The following SIGLEC15 variants were observed in gnomAD, a reference collection of about 807,000 sequenced individuals.
SIGLEC15 encodes the protein sialic acid binding Ig like lectin 15.
A neutral mutation model predicts 26.2 loss-of-function variants in SIGLEC15; 31 were observed. The ratio of observed to expected loss-of-function variants is 1.18; its 90% CI spans 0.89 to 1.60. SIGLEC15 has a LOEUF of 1.60. SIGLEC15 is among the 40% of genes most tolerant of loss of function. The pLI is 0.00. For missense variants in SIGLEC15, 501 were observed against 488.4 expected, an observed-to-expected ratio of 1.03 and a Z score of -0.24; for synonymous variants, 207 against 221.9, an observed-to-expected ratio of 0.93 and a Z score of 0.60.
intron 1 of SIGLEC15, chr18:45,829,254 C>T: frequency 1.4e-6 from 1 of 696,110 alleles, no homozygotes. Context: ...AGCCAGATAA[C>T]CCTGAAGCAG....
rs61267857 is a variant in SIGLEC15 at position 45,842,442 on chromosome 18, TGA to T, written c.*273_*274del. The T allele has an allele frequency of 0.041, 13,091 of 318,152 alleles. 1 individual carries two copies. Among genetic ancestry groups the T allele is most frequent in the Middle Eastern group, 0.056 (60 of 1,066 alleles). The allele number at this position is 318,152 out of a possible 1,614,324, so 19.7% of individuals were successfully genotyped here. On this transcript the variant is annotated 3_prime_UTR_variant, in exon 6 of 6. Coordinates refer to ENST00000389474, the MANE Select transcript of SIGLEC15 (RefSeq NM_213602.3). ...ATACGTCTGTGTGTGTGTGTGTGTG[TGA>T]GAGAGAGAGAGAGAGAGTACACGCA...
intron 5 of SIGLEC15, 121 bp downstream of exon 5, chr18:45,840,362 C>A (rs1048313955): frequency 8.6e-7 from 1 of 1,168,440 alleles, no homozygotes; most frequent in Non-Finnish European, 1.2e-6. Flanking sequence ...CTACTTTGAC[C>A]AGGGGCTGGG....
chr18:45,838,740 C>A lies in SIGLEC15; in HGVS notation c.519C>A (p.Ile173=). The change falls in exon 4 of 6, where the codon ATC becomes ATA. Residue 173 remains isoleucine (I), a synonymous_variant. Coordinates refer to ENST00000389474, the MANE Select transcript of SIGLEC15 (RefSeq NM_213602.3). The part of the protein sequence containing the change: ...HVTAAPRIVN[I]SVLPSPAHAF... ...CAGCCGCGCCGCGGATCGTCAACAT[C>A]TCGGTGCTGCCCAGTCCGGCTCACG... 6.3e-7 allele frequency: 1 copy of A among 1,580,556 alleles called. No homozygotes were observed. Among genetic ancestry groups the A allele is most frequent in the Non-Finnish European group, 8.5e-7 (1 of 1,172,364 alleles).
At chr18:45,833,028 C>A (rs940876780) in intron 1 of SIGLEC15, among the ~76,000 whole-genome samples, 2 of 152,136 alleles carry the variant, frequency 1.3e-5, no homozygotes, top group Non-Finnish European at 2.9e-5. Context: ...CCTCTGTGTT[C>A]CCATTCTGCT....
At chr18:45,830,067 A>G (rs991182481) in intron 1 of SIGLEC15, among the ~76,000 whole-genome samples, 1 of 152,096 alleles carries the variant, frequency 6.6e-6, no homozygotes, top group Non-Finnish European at 1.5e-5. Context: ...GTGCTCCGCC[A>G]TGAAACCGAC....
chr18:45,830,583 C>CTTTTTTTTTTTTTTTTTTT (rs56404391), intron 1 of SIGLEC15, among the ~76,000 whole-genome samples: 1 of 96,702 alleles, frequency 1.0e-5, no homozygotes, highest in Non-Finnish European at 1.9e-5. Context: ...ATTTTTCTTT[C>CTTTTTTTTTTTTTTTTTTT]TTTTTTTTTT....
intron 1 of SIGLEC15, 48 bp from the exon 2 acceptor site, chr18:45,836,981 C>T (rs748774191): frequency 1.0e-6 from 1 of 980,124 alleles, no homozygotes; most frequent in South Asian, 1.3e-5. Flanking sequence ...CTTCTCTGAG[C>T]CTCAGTTTAT....
chr18:45,843,080 C>T lies in SIGLEC15; in HGVS notation c.*893C>T, dbSNP rs370912782. On this transcript the variant is annotated 3_prime_UTR_variant, in exon 6 of 6. Coordinates refer to ENST00000389474, the MANE Select transcript of SIGLEC15 (RefSeq NM_213602.3). Reference sequence around the variant, plus strand: ...CCCCTAGGAAATGGAAACCAGGCTCCCCTCTCTCAAGGTATCTGGGAACCA... The same window carrying T: ...CCCCTAGGAAATGGAAACCAGGCTCTCCTCTCTCAAGGTATCTGGGAACCA... 6.6e-6 allele frequency: 1 copy of T among 152,366 alleles called. No homozygotes were observed. The highest frequency in any genetic ancestry group is 2.4e-5 in the African/African-American group (1 of 41,560). The allele number at this position is 152,366 out of a possible 1,614,324, so 9.4% of individuals were successfully genotyped here.
Position 45,838,727 on chromosome 18 carries a change from G to T in SIGLEC15, c.506G>T (p.Arg169Leu). 1 of 1,577,078 alleles carries T rather than the reference G, an allele frequency of 6.3e-7. No individual in the cohort carries two copies. Among genetic ancestry groups the T allele is most frequent in the Non-Finnish European group, 8.5e-7 (1 of 1,170,730 alleles). The part of the protein sequence containing the change: ...GVRLHVTAAP[R>L]IVNISVLPSP... ...GCCTTCTCCCCTGCAGCCGCGCCGC[G>T]GATCGTCAACATCTCGGTGCTGCCC... Residue 169 changes from arginine to leucine, a missense_variant, in exon 4 of 6, where the codon CGG (arginine) becomes CTG (leucine). Transcript: ENST00000389474.
chr18:45,835,656 T>C (rs1202950185), intron 1 of SIGLEC15, among the ~76,000 whole-genome samples: 1 of 152,236 alleles, frequency 6.6e-6, no homozygotes, highest in African/African-American at 2.4e-5. Flanking sequence ...GTCCAATTGT[T>C]TGTGGCACCA....
At chr18:45,829,623 G>A (rs1054166751) in intron 1 of SIGLEC15, among the ~76,000 whole-genome samples, 2 of 152,006 alleles carry the variant, frequency 1.3e-5, no homozygotes, top group Admixed American at 1.3e-4. Flanking sequence ...TGCCACCCCC[G>A]GAGCCACACT....
intron 1 of SIGLEC15, among the ~76,000 whole-genome samples, chr18:45,832,557 G>A (rs979296822): frequency 6.6e-6 from 1 of 152,236 alleles, no homozygotes; most frequent in East Asian, 1.9e-4. Flanking sequence ...CCTAGGTCCA[G>A]CTGTGCCAAA....
chr18:45,835,719 CA>C (rs1032492994), intron 1 of SIGLEC15, among the ~76,000 whole-genome samples: 1 of 152,184 alleles, frequency 6.6e-6, no homozygotes, highest in Non-Finnish European at 1.5e-5. Flanking sequence ...GCAAGCTGGG[CA>C]TGAAACACAG....
In SIGLEC15 at chr18:45,829,473, G is replaced by A. The variant is rs562302242; in HGVS notation, c.52+3693G>A. Among the ~76,000 whole-genome samples, 6 of 152,290 alleles carry A rather than the reference G, an allele frequency of 3.9e-5. No homozygotes were observed. In the South Asian group the frequency reaches 1.2e-3, roughly 32 times the overall value. On this transcript the variant is annotated intron_variant, in intron 1 of 5. Coordinates refer to ENST00000389474, the MANE Select transcript of SIGLEC15 (RefSeq NM_213602.3). Reference sequence around the variant, plus strand: ...AAGATTTGCAGGGAGCAAACCAAGGGGCAGGAGGGGAAGGGCTGAGCTGCA... The same window carrying A: ...AAGATTTGCAGGGAGCAAACCAAGGAGCAGGAGGGGAAGGGCTGAGCTGCA...
At chr18:45,829,707 A>G (rs1422667202) in intron 1 of SIGLEC15, among the ~76,000 whole-genome samples, 1 of 152,016 alleles carries the variant, frequency 6.6e-6, no homozygotes, top group Non-Finnish European at 1.5e-5. Flanking sequence ...GGCTCCTCAT[A>G]CTGGCCACTC....
Position 45,837,765 on chromosome 18 carries a change from G to T in SIGLEC15, c.365G>T (p.Arg122Leu). The T allele has an allele frequency of 6.6e-7, 1 of 1,521,816 alleles. No individual in the cohort carries two copies. Among genetic ancestry groups the T allele is most frequent in the Non-Finnish European group, 8.7e-7 (1 of 1,143,380 alleles). 94.3% of individuals were successfully genotyped at this position (1,521,816 alleles called of 1,614,324 possible). The change falls in exon 3 of 6, where the codon CGC becomes CTC. Residue 122 changes from arginine to leucine, a missense_variant. Arg to Leu is a moderately radical substitution (Grantham distance 102, BLOSUM62 -2). Coordinates refer to ENST00000389474, the MANE Select transcript of SIGLEC15 (RefSeq NM_213602.3). ...TTCCGGCTGCTGGGCAACCCGCGCC[G>T]CAACGACCTCTCGCTGCGCGTCGAG... The part of the protein sequence containing the change: ...GRFRLLGNPR[R>L]NDLSLRVERL...
At chr18:45,832,254 G>A (rs143730936) in intron 1 of SIGLEC15, among the ~76,000 whole-genome samples, 6 of 152,302 alleles carry the variant, frequency 3.9e-5, no homozygotes, top group Admixed American at 6.5e-5. Flanking sequence ...CCTGAGACCC[G>A]GGATATTATA....
chr18:45,826,447 C>A (rs942616429), intron 1 of SIGLEC15, among the ~76,000 whole-genome samples: 1 of 152,172 alleles, frequency 6.6e-6, no homozygotes, highest in African/African-American at 2.4e-5. Flanking sequence ...TTTGGCTCCA[C>A]CCCAGACCTG....
At chr18:45,839,199 T>G (rs529108091) in intron 4 of SIGLEC15, 104 bp downstream of exon 4, 83 of 1,307,504 alleles carry the variant, frequency 6.3e-5, no homozygotes, top group Middle Eastern at 2.9e-4. Context: ...AGAATGTCGG[T>G]TTTTTTGCCC....
Sources: allele counts gnomAD v4.1 joint callset (sites outside exome capture counted in the v4.1 genomes callset), GRCh38; gene constraint gnomAD v4.1.1; transcripts MANE v1.5; gene names NCBI Gene and HGNC (gene_info 2026-07-23, HGNC 2026-07-21).